Variants in TLN2 observed in about 807,000 individuals in gnomAD.
The protein encoded by TLN2 is talin-2.
TLN2 carries 118 observed loss-of-function variants against 294.7 expected under a neutral mutation model. The ratio of observed to expected loss-of-function variants is 0.40; its 90% CI spans 0.34 to 0.47. TLN2 has a LOEUF of 0.47. Among genes scored for constraint, TLN2 ranks in the 20% least tolerant of loss-of-function variants. The pLI is 0.84. For synonymous variants in TLN2, 1,431 were observed against 1,304.5 expected (o/e 1.10, Z -2.09); for missense variants, 3,083 against 3,282.2 (o/e 0.94, Z 1.48).
intron 1 of TLN2, among the ~76,000 whole-genome samples, chr15:62,574,276 G>T (rs934825815): frequency 2.0e-5 from 3 of 151,604 alleles, no homozygotes; most frequent in Admixed American, 6.6e-5. Flanking sequence ...AACCTGGAAG[G>T]CTTTTAAAAA....
rs1254555925 is a variant in TLN2 at position 62,504,593 on chromosome 15, C to T, written c.-237-85094C>T. Reference sequence around the variant, plus strand: ...AATGGAGAATGGATGGGCTTTTCAACAAGTGATGCTGAAACAGTTGGGTAT... The same window carrying T: ...AATGGAGAATGGATGGGCTTTTCAATAAGTGATGCTGAAACAGTTGGGTAT... On this transcript the variant is annotated intron_variant, in intron 1 of 58. Transcript: ENST00000636159. 3.3e-5 allele frequency among the ~76,000 whole-genome samples: 5 copies of T among 152,132 alleles called. No individual in the cohort carries two copies. The South Asian group carries it at 8.3e-4, about 25-fold the overall frequency.
At position 62,538,222 on chromosome 15, in the gene TLN2, T is replaced by TACAC. The variant is rs146369886; in HGVS notation, c.-237-51449_-237-51446dup. Among the ~76,000 whole-genome samples, 369 of 149,926 alleles carry TACAC rather than the reference T, an allele frequency of 2.5e-3. 2 individuals carry two copies. Among genetic ancestry groups the TACAC allele is most frequent in the African/African-American group, 8.4e-3 (345 of 40,952 alleles). ...TGGGCAACAGAGTGAGACTTTGTCA[T>TACAC]ACACACACACACACACACAAAAACA... On this transcript the variant is annotated intron_variant, in intron 1 of 58. Transcript: ENST00000636159.
At chr15:62,562,672 G>T (rs1227559871) in intron 1 of TLN2, among the ~76,000 whole-genome samples, 1 of 151,888 alleles carries the variant, frequency 6.6e-6, no homozygotes, top group East Asian at 1.9e-4. Context: ...AACCCAATTT[G>T]TAGTCTTTTA....
intron 45 of TLN2, among the ~76,000 whole-genome samples, chr15:62,790,274 C>G (rs1174131867): frequency 6.6e-6 from 1 of 152,146 alleles, no homozygotes; most frequent in Non-Finnish European, 1.5e-5. Flanking sequence ...GAAGAGTATA[C>G]TAATAACCCA....
At chr15:62,524,805 G>C (rs1402297486) in intron 1 of TLN2, among the ~76,000 whole-genome samples, 2 of 152,192 alleles carry the variant, frequency 1.3e-5, no homozygotes, top group Non-Finnish European at 2.9e-5. Flanking sequence ...GTAGGATCTG[G>C]AAGTTCATGT....
At chr15:62,686,920 G>A in intron 12 of TLN2, 124 bp downstream of exon 12, 1 of 1,317,182 alleles carries the variant, frequency 7.6e-7, no homozygotes, top group Non-Finnish European at 1.0e-6. Flanking sequence ...CGTGGAGTGA[G>A]GAAGATGGTG....
At chr15:62,726,577 T>C (rs766279059) in intron 27 of TLN2, among the ~76,000 whole-genome samples, 1 of 152,162 alleles carries the variant, frequency 6.6e-6, no homozygotes, top group Non-Finnish European at 1.5e-5. Context: ...TTCCTTTCAG[T>C]TGGAACTCCT....
chr15:62,588,814 GGCAAAAATAGA>G (rs1474435736), intron 1 of TLN2, among the ~76,000 whole-genome samples: 1 of 148,552 alleles, frequency 6.7e-6, no homozygotes, highest in Non-Finnish European at 1.5e-5. Flanking sequence ...ATTTTTGAAT[GGCAAAAATAGA>G]GCAGAAATTT....
intron 13 of TLN2, among the ~76,000 whole-genome samples, chr15:62,693,408 T>C (rs1466129998): frequency 6.6e-6 from 1 of 152,170 alleles, no homozygotes; most frequent in Non-Finnish European, 1.5e-5. Flanking sequence ...GACCTCAAGA[T>C]CCTTTGAGAA....
At chr15:62,537,390 G>C (rs936997488) in intron 1 of TLN2, among the ~76,000 whole-genome samples, 2 of 152,140 alleles carry the variant, frequency 1.3e-5, no homozygotes, top group African/African-American at 4.8e-5. Context: ...GGACTGACAA[G>C]CTCCTTGATA....
At chr15:62,687,417 T>G (rs544417507) in intron 12 of TLN2, among the ~76,000 whole-genome samples, 53 of 152,352 alleles carry the variant, frequency 3.5e-4, no homozygotes, top group African/African-American at 1.2e-3. Flanking sequence ...GAAGATAAGA[T>G]GCTTAGTATA....
Position 62,692,933 on chromosome 15 carries a change from C to G in TLN2, c.1207C>G (p.Leu403Val). The G allele has an allele frequency of 6.2e-7, 1 of 1,608,468 alleles. No individual in the cohort carries two copies. The highest frequency in any genetic ancestry group is 8.5e-7 in the Non-Finnish European group (1 of 1,177,682). ...GATTGCAGGCTACATTGACATCATC[C>G]TGAAAAAGGTATTTTGTATTGATGC... ...QLIAGYIDII[L>V]KKKQSKDRFG... Residue 403 changes from leucine to valine, a missense_variant, in exon 13 of 59, where the codon CTG becomes GTG. Coordinates refer to ENST00000636159, the MANE Select transcript of TLN2 (RefSeq NM_015059.3).
intron 12 of TLN2, among the ~76,000 whole-genome samples, chr15:62,687,268 A>G (rs140317260): frequency 1.6e-3 from 239 of 152,336 alleles, no homozygotes; most frequent in African/African-American, 5.4e-3. Flanking sequence ...ACTTTAGGAT[A>G]GTATTATTAT....
intron 1 of TLN2, among the ~76,000 whole-genome samples, chr15:62,503,191 A>G (rs1194923): frequency 0.042 from 6,427 of 152,238 alleles, 459 homozygotes; most frequent in African/African-American, 0.15. Context: ...ATATGTGTTC[A>G]TGGTAGATAA....
At chr15:62,704,110 C>T (rs1229364559) in intron 19 of TLN2, among the ~76,000 whole-genome samples, 5 of 152,144 alleles carry the variant, frequency 3.3e-5, no homozygotes, top group African/African-American at 1.2e-4. Context: ...TACAGAATTT[C>T]ATTGGCCTTC....
chr15:62,723,420 T>G (rs1284097181), intron 26 of TLN2, among the ~76,000 whole-genome samples: 1 of 152,180 alleles, frequency 6.6e-6, no homozygotes, highest in African/African-American at 2.4e-5. Flanking sequence ...TTTCACAAGC[T>G]TCTTTGCTGA....
chr15:62,741,606 C>T (rs1223505806), intron 32 of TLN2, among the ~76,000 whole-genome samples: 2 of 152,106 alleles, frequency 1.3e-5, no homozygotes, highest in Non-Finnish European at 2.9e-5. Context: ...AGAAAGCTGA[C>T]AGTGGAGAGA....
At position 62,842,161 on chromosome 15, in the gene TLN2, T is replaced by TC. The variant is rs2070772736; in HGVS notation, c.*1554dup. 1 of 152,110 alleles carries TC rather than the reference T, an allele frequency of 6.6e-6. No individual in the cohort carries two copies. Among genetic ancestry groups the TC allele is most frequent in the South Asian group, 2.1e-4 (1 of 4,826 alleles). The allele number at this position is 152,110 out of a possible 1,614,324, so 9.4% of individuals were successfully genotyped here. A position where few individuals can be genotyped will look rare whatever the true frequency, so the allele number is the denominator to read the frequency against. On this transcript the variant is annotated 3_prime_UTR_variant, in exon 59 of 59. Transcript: ENST00000636159. ...TAAAATACATAAACTTCTGACAGCTTCCCATATTTATAAGTTACTTATAAG... is the reference window on the plus strand; with the variant it reads ...TAAAATACATAAACTTCTGACAGCTTCCCCATATTTATAAGTTACTTATAAG...
chr15:62,782,682 T>A (rs1467915693), intron 44 of TLN2, among the ~76,000 whole-genome samples: 2 of 152,220 alleles, frequency 1.3e-5, no homozygotes, highest in Non-Finnish European at 2.9e-5. Context: ...ACACTCACTC[T>A]CGTGCAGCTC....
Sources: gnomAD v4.1 joint callset for allele counts (sites outside exome capture counted in the v4.1 genomes callset) on GRCh38, gnomAD v4.1.1 for gene constraint, MANE v1.5 for transcripts, NCBI Gene and HGNC (gene_info 2026-07-23, HGNC 2026-07-21) for gene names.